Variants in CPNE4 observed in about 807,000 individuals in gnomAD.
The protein encoded by CPNE4 is copine-4.
Under a neutral mutation model 67.9 loss-of-function variants are expected in CPNE4, and 25 were observed. The ratio of observed to expected loss-of-function variants is 0.37; its 90% confidence interval spans 0.27 to 0.51. The LOEUF is 0.51. CPNE4 is among the 20% of genes least tolerant of loss of function. CPNE4 has a pLI of 0.93. For synonymous variants in CPNE4, 242 were observed against 244.9 expected, an observed-to-expected ratio of 0.99 and a Z score of 0.11; for missense variants, 464 against 690.8, an observed-to-expected ratio of 0.67 and a Z score of 3.68.
intron 1 of CPNE4, among the ~76,000 whole-genome samples, chr3:132,006,402 C>T (rs1038992039): frequency 2.6e-4 from 39 of 152,114 alleles, no homozygotes; most frequent in East Asian, 7.7e-4. Flanking sequence ...ACTCCTCCCC[C>T]GCTTGCCTTA....
intron 7 of CPNE4, among the ~76,000 whole-genome samples, chr3:131,662,628 A>ACAAC (rs1255384287): frequency 6.6e-6 from 1 of 152,014 alleles, no homozygotes. Flanking sequence ...CAAGAAAAAA[A>ACAAC]CAACCCCATC....
chr3:131,907,025 C>A (rs1334105702), intron 1 of CPNE4, among the ~76,000 whole-genome samples: 1 of 152,042 alleles, frequency 6.6e-6, no homozygotes, highest in Non-Finnish European at 1.5e-5. Flanking sequence ...AAACAAACAA[C>A]CCCATCAAAA....
intron 3 of CPNE4, among the ~76,000 whole-genome samples, chr3:131,712,575 C>T (rs1305025686): frequency 6.6e-6 from 1 of 152,180 alleles, no homozygotes; most frequent in Non-Finnish European, 1.5e-5. Flanking sequence ...TTCAAGAAAT[C>T]TAGTTTTTAG....
chr3:131,978,208 TA>T (rs2072747216), intron 1 of CPNE4, among the ~76,000 whole-genome samples: 13 of 48,156 alleles, frequency 2.7e-4, no homozygotes, highest in African/African-American at 2.1e-3. Context: ...TTATTATATA[TA>T]ATATATATAA....
intron 1 of CPNE4, among the ~76,000 whole-genome samples, chr3:131,988,403 T>C (rs2073103917): frequency 6.6e-6 from 1 of 152,180 alleles, no homozygotes; most frequent in Non-Finnish European, 1.5e-5. Context: ...TTTGCATTTT[T>C]AAAAAGATCA....
intron 2 of CPNE4, among the ~76,000 whole-genome samples, chr3:131,769,756 G>T (rs1185097330): frequency 6.6e-6 from 1 of 152,140 alleles, no homozygotes; most frequent in African/African-American, 2.4e-5. Context: ...TGGAAGGAAA[G>T]AGCTTCTTCC....
intron 3 of CPNE4, among the ~76,000 whole-genome samples, chr3:131,708,999 T>TATATATATATATATATATATATATAC (rs2081493023): frequency 7.8e-6 from 1 of 128,978 alleles, no homozygotes; most frequent in Non-Finnish European, 1.7e-5. Flanking sequence ...TATATATACA[T>TATATATATATATATATATATATATAC]ACACACATAA....
At chr3:131,853,614 T>A (rs2107649557) in intron 2 of CPNE4, among the ~76,000 whole-genome samples, 1 of 151,984 alleles carries the variant, frequency 6.6e-6, no homozygotes, top group Non-Finnish European at 1.5e-5. Context: ...TTAAAGGCAC[T>A]ATTAGAAAAT....
At chr3:131,755,593 A>C (rs2082733349) in intron 2 of CPNE4, among the ~76,000 whole-genome samples, 2 of 152,338 alleles carry the variant, frequency 1.3e-5, no homozygotes, top group Non-Finnish European at 2.9e-5. Flanking sequence ...TTCAGAAACC[A>C]TAAATCTGAC....
rs1004896611 is a variant in CPNE4, at chr3:131,533,849, A to G, written c.*1346T>C. 6.6e-6 allele frequency: 1 copy of G among 152,204 alleles called. No homozygotes were observed. The highest frequency in any genetic ancestry group is 1.5e-5 in the Non-Finnish European group (1 of 68,040). The allele number at this position is 152,204 out of a possible 1,614,324, so 9.4% of individuals were successfully genotyped here. On this transcript the variant is annotated 3_prime_UTR_variant, in exon 16 of 16. Coordinates refer to ENST00000429747, the MANE Select transcript of CPNE4 (RefSeq NM_130808.3). The stretch of plus-strand genomic sequence containing the variant: ...CCACTTTGTGCCTTTTATGCTTGCA[A>G]AAACACTTGCCTGTTTCCCTGCAAG...
chr3:131,778,803 A>G (rs1034049018), intron 2 of CPNE4, among the ~76,000 whole-genome samples: 3 of 151,966 alleles, frequency 2.0e-5, no homozygotes, highest in African/African-American at 7.3e-5. Flanking sequence ...CGGTGCTGCC[A>G]CTCCTATTCA....
chr3:131,676,059 T>TTATTATTA (rs1276543924), intron 6 of CPNE4, among the ~76,000 whole-genome samples: 30 of 144,374 alleles, frequency 2.1e-4, no homozygotes, highest in Middle Eastern at 7.2e-3. Flanking sequence ...ATTATTATTA[T>TTATTATTA]TATTATTATT....
At chr3:131,692,028 G>C (rs1285781880) in intron 5 of CPNE4, among the ~76,000 whole-genome samples, 1 of 152,066 alleles carries the variant, frequency 6.6e-6, no homozygotes, top group African/African-American at 2.4e-5. Flanking sequence ...GCATTTTACT[G>C]AAGTGTTGCT....
At chr3:131,807,713 G>C (rs2084370646) in intron 2 of CPNE4, among the ~76,000 whole-genome samples, 1 of 152,040 alleles carries the variant, frequency 6.6e-6, no homozygotes, top group African/African-American at 2.4e-5. Context: ...TGAAAAATAT[G>C]AGGTAAATTA....
At chr3:131,607,239 A>C (rs1445350501) in intron 7 of CPNE4, among the ~76,000 whole-genome samples, 5 of 151,306 alleles carry the variant, frequency 3.3e-5, no homozygotes, top group African/African-American at 4.9e-5. Context: ...ACACATTTGC[A>C]AGATGGACAA....
At position 131,534,543 on chromosome 3, in the gene CPNE4, A is replaced by G. The variant is rs933199066; in HGVS notation, c.*652T>C. On this transcript the variant is annotated 3_prime_UTR_variant, in exon 16 of 16. Coordinates refer to ENST00000429747, the MANE Select transcript of CPNE4 (RefSeq NM_130808.3). ...TATGTATCACAATCTGAATTTTAATAAGACTCTCAGGTGATTTGTGTACAC... is the reference window on the plus strand; with the variant it reads ...TATGTATCACAATCTGAATTTTAATGAGACTCTCAGGTGATTTGTGTACAC... The G allele has an allele frequency of 3.9e-5, 6 of 152,186 alleles. No individual in the cohort carries two copies. The highest frequency in any genetic ancestry group is 3.3e-4 in the Admixed American group (5 of 15,274). 9.4% of individuals were successfully genotyped at this position (152,186 alleles called of 1,614,324 possible).
At chr3:131,826,700 G>C (rs1420380823) in intron 2 of CPNE4, among the ~76,000 whole-genome samples, 1 of 152,070 alleles carries the variant, frequency 6.6e-6, no homozygotes, top group Non-Finnish European at 1.5e-5. Flanking sequence ...ATTACCCTCA[G>C]AAATCCTCTT....
rs2071586280 is a variant in CPNE4 at position 131,947,449 on chromosome 3, A to G, written c.-1-42005T>C. Among the ~76,000 whole-genome samples, 3 of 151,912 alleles carry G rather than the reference A, an allele frequency of 2.0e-5. No homozygotes were observed. The South Asian group carries it at 6.2e-4, about 32-fold the overall frequency. The stretch of plus-strand genomic sequence containing the variant: ...TCCATCCCTGTGTCCATGTGTTCTC[A>G]TCGTTCAACTCTCACTTATGAGTGA... On this transcript the variant is annotated intron_variant, in intron 1 of 15. Coordinates refer to ENST00000429747, the MANE Select transcript of CPNE4 (RefSeq NM_130808.3).
intron 1 of CPNE4, among the ~76,000 whole-genome samples, chr3:132,022,153 C>T (rs1346846819): frequency 6.6e-6 from 1 of 152,212 alleles, no homozygotes; most frequent in Non-Finnish European, 1.5e-5. Flanking sequence ...GATCAGAAGG[C>T]AGGTCTGGTC....
Sources: allele counts gnomAD v4.1 joint callset (sites outside exome capture counted in the v4.1 genomes callset), GRCh38; gene constraint gnomAD v4.1.1; transcripts MANE v1.5; gene names NCBI Gene and HGNC (gene_info 2026-07-23, HGNC 2026-07-21).